The following POFUT3 variants were observed in gnomAD, a reference collection of about 807,000 sequenced individuals.
POFUT3 encodes GDP-fucose protein O-fucosyltransferase 3.
At chr8:33,389,269 G>C in the POFUT3 span, 2 of 1,614,088 alleles carry the variant, frequency 1.2e-6, no homozygotes, top group Non-Finnish European at 8.5e-7. Flanking sequence ...AATATACAGG[G>C]ACTACCCCCA....
At chr8:33,314,470 C>T in the POFUT3 span, among the ~76,000 whole-genome samples, 1 of 152,196 alleles carries the variant, frequency 6.6e-6, no homozygotes, top group Non-Finnish European at 1.5e-5. Context: ...GCTGTGAAAT[C>T]ATGAGCAAGT....
chr8:33,458,314 T>G, the POFUT3 span, among the ~76,000 whole-genome samples: 1 of 152,230 alleles, frequency 6.6e-6, no homozygotes, highest in Non-Finnish European at 1.5e-5. Flanking sequence ...TCTGCAGTAT[T>G]TTGTTACAGC....
At chr8:33,394,808 C>G in the POFUT3 span, among the ~76,000 whole-genome samples, 1 of 152,138 alleles carries the variant, frequency 6.6e-6, no homozygotes, top group Non-Finnish European at 1.5e-5. Context: ...ACCAATGTCC[C>G]CCAACACACC....
chr8:33,400,623 A>C, the POFUT3 span, among the ~76,000 whole-genome samples: 3 of 152,178 alleles, frequency 2.0e-5, no homozygotes, highest in Non-Finnish European at 4.4e-5. Context: ...ATTTATAGTT[A>C]GTGAAAGAGC....
At chr8:33,433,466 G>C in the POFUT3 span, among the ~76,000 whole-genome samples, 3 of 151,966 alleles carry the variant, frequency 2.0e-5, no homozygotes, top group African/African-American at 7.3e-5. Flanking sequence ...CAAAAAATTA[G>C]CCAGGCGCGG....
the POFUT3 span, among the ~76,000 whole-genome samples, chr8:33,411,961 T>C: frequency 6.6e-6 from 1 of 152,290 alleles, no homozygotes; most frequent in South Asian, 2.1e-4. Context: ...GGGTTCACCA[T>C]TCACAGCTCA....
At chr8:33,356,389 T>C in the POFUT3 span, among the ~76,000 whole-genome samples, 5 of 152,256 alleles carry the variant, frequency 3.3e-5, no homozygotes, top group African/African-American at 4.8e-5. Flanking sequence ...TGGTATCTCA[T>C]TGTGGTTTTG....
At chr8:33,470,976 T>C in the POFUT3 span, among the ~76,000 whole-genome samples, 1 of 152,176 alleles carries the variant, frequency 6.6e-6, no homozygotes, top group South Asian at 2.1e-4. Flanking sequence ...TAATTGTATA[T>C]AACAGGTTTA....
chr8:33,420,254 T>G, the POFUT3 span, among the ~76,000 whole-genome samples: 1 of 152,066 alleles, frequency 6.6e-6, no homozygotes, highest in Non-Finnish European at 1.5e-5. Context: ...CTAACAAAAA[T>G]TTAAGAGAGA....
At chr8:33,372,895 T>G in the POFUT3 span, 1 of 1,151,748 alleles carries the variant, frequency 8.7e-7, no homozygotes, top group South Asian at 1.5e-5. Context: ...AAACAACAGC[T>G]TTACTCCATG....
At chr8:33,311,607 C>A in the POFUT3 span, among the ~76,000 whole-genome samples, 1 of 152,048 alleles carries the variant, frequency 6.6e-6, no homozygotes, top group East Asian at 1.9e-4. Flanking sequence ...ATGTTAATGT[C>A]GGTTTTACTT....
At chr8:33,431,547 C>CAA in the POFUT3 span, among the ~76,000 whole-genome samples, 17 of 35,084 alleles carry the variant, frequency 4.8e-4, 5 homozygotes, top group Non-Finnish European at 8.0e-4. Flanking sequence ...GACCCTGTCT[C>CAA]AAAAAAAAAA....
At chr8:33,402,496 A>G in the POFUT3 span, among the ~76,000 whole-genome samples, 1 of 152,224 alleles carries the variant, frequency 6.6e-6, no homozygotes, top group African/African-American at 2.4e-5. Flanking sequence ...AGAACAAAGC[A>G]CTGTCCTCCA....
At chr8:33,453,301 T>C in the POFUT3 span, 2 of 1,614,212 alleles carry the variant, frequency 1.2e-6, no homozygotes, top group East Asian at 2.2e-5. Context: ...CACATTGGCC[T>C]AACCTCCCAG....
chr8:33,385,854 C>T, the POFUT3 span, among the ~76,000 whole-genome samples: 7 of 151,846 alleles, frequency 4.6e-5, no homozygotes, highest in East Asian at 1.9e-4. Context: ...GCTTACTTTA[C>T]GTTGTGCCAT....
the POFUT3 span, among the ~76,000 whole-genome samples, chr8:33,325,483 T>C: frequency 2.0e-5 from 3 of 152,354 alleles, no homozygotes; most frequent in Admixed American, 6.5e-5. Context: ...ATCACCACCA[T>C]GATACGTTAA....
At chr8:33,369,973 G>A in the POFUT3 span, among the ~76,000 whole-genome samples, 1 of 151,876 alleles carries the variant, frequency 6.6e-6, no homozygotes, top group Non-Finnish European at 1.5e-5. Context: ...ACTAGCATTA[G>A]TGATCATTTT....
At chr8:33,386,583 G>A in the POFUT3 span, among the ~76,000 whole-genome samples, 1 of 152,184 alleles carries the variant, frequency 6.6e-6, no homozygotes, top group Non-Finnish European at 1.5e-5. Context: ...GGCTGAGGCG[G>A]GAGGATCACG....
the POFUT3 span, among the ~76,000 whole-genome samples, chr8:33,379,846 A>AATAT: frequency 2.0e-5 from 2 of 102,186 alleles, no homozygotes; most frequent in African/African-American, 4.5e-5. Context: ...AAAAAAAAAA[A>AATAT]ATATATATAT....
Sources: allele counts gnomAD v4.1 joint callset (sites outside exome capture counted in the v4.1 genomes callset), GRCh38; gene constraint gnomAD v4.1.1; transcripts MANE v1.5; gene names NCBI Gene and HGNC (gene_info 2026-07-23, HGNC 2026-07-21).